Variants in SOX5 observed in about 807,000 individuals in gnomAD.
SOX5 encodes the protein SRY-box transcription factor 5, also known as transcription factor SOX-5.
SOX5 carries 9 observed loss-of-function variants against 92.0 expected under a neutral mutation model. That is an observed-to-expected ratio of 0.10 (90% CI 0.06 to 0.17). The LOEUF (loss-of-function observed/expected upper bound fraction) is 0.17, where lower values mean the gene tolerates loss of function less well. Ranked by LOEUF, SOX5 falls within the 10% of genes least tolerant of loss-of-function variation. The pLI, the probability that SOX5 is intolerant of heterozygous loss-of-function variation, is 1.00. For synonymous variants in SOX5, 344 were observed against 336.3 expected (o/e 1.02, Z -0.25); for missense variants, 642 against 944.5 (o/e 0.68, Z 4.20).
chr12:24,304,882 T>C (rs912577377), intron 2 of SOX5, among the ~76,000 whole-genome samples: 1 of 152,184 alleles, frequency 6.6e-6, no homozygotes, highest in African/African-American at 2.4e-5. Flanking sequence ...CACTGCTGAC[T>C]CTACCTCCTG....
At chr12:24,462,257 T>A (rs4562917) in intron 1 of SOX5, among the ~76,000 whole-genome samples, 3 of 152,314 alleles carry the variant, frequency 2.0e-5, no homozygotes, top group South Asian at 2.1e-4. Flanking sequence ...CAACACAATG[T>A]CAGGTGTGTA....
intron 11 of SOX5, among the ~76,000 whole-genome samples, chr12:23,549,582 G>T (rs979137062): frequency 6.6e-6 from 1 of 151,700 alleles, no homozygotes; most frequent in South Asian, 2.1e-4. Context: ...AGGAATACTC[G>T]CCAGAATTCT....
At chr12:23,937,149 G>A (rs957458813) in intron 1 of SOX5, among the ~76,000 whole-genome samples, 2 of 150,824 alleles carry the variant, frequency 1.3e-5, no homozygotes, top group Non-Finnish European at 3.0e-5. Context: ...TTTTCCTAAT[G>A]TTTAAAAAGA....
At chr12:23,913,057 A>G (rs2097369130) in intron 1 of SOX5, among the ~76,000 whole-genome samples, 1 of 152,232 alleles carries the variant, frequency 6.6e-6, no homozygotes, top group South Asian at 2.1e-4. Context: ...CGTCCATTCT[A>G]CTGATAGAAA....
intron 1 of SOX5, among the ~76,000 whole-genome samples, chr12:24,436,636 AAATATCCAG>A (rs1242814738): frequency 1.3e-5 from 2 of 152,144 alleles, no homozygotes; most frequent in Non-Finnish European, 2.9e-5. Context: ...AGCTGCAGCA[AAATATCCAG>A]AAGATCTAGC....
At chr12:24,314,649 G>GC (rs1949534347) in intron 2 of SOX5, among the ~76,000 whole-genome samples, 1 of 152,082 alleles carries the variant, frequency 6.6e-6, no homozygotes, top group Non-Finnish European at 1.5e-5. Context: ...TCCTTACAAT[G>GC]CCCTATGCGG....
In SOX5 at chr12:24,510,601, T is replaced by C. The variant is rs192889505; in HGVS notation, c.-251+51728A>G. Among the ~76,000 whole-genome samples, 6 of 152,268 alleles carry C rather than the reference T, an allele frequency of 3.9e-5. No homozygotes were observed. The East Asian group carries it at 1.2e-3, about 29-fold the overall frequency. On this transcript the variant is annotated intron_variant, in intron 1 of 4. Coordinates refer to the SOX5 transcript ENST00000446891. ...CCAGAAGATGAATAGTTAAAAGCTA[T>C]CAGAAACACATGGGCAAGCTTTTAA...
rs1190957230 is a variant in SOX5 at position 23,568,909 on chromosome 12, C to T, written c.1343-5506G>A. On this transcript the variant is annotated intron_variant, in intron 10 of 14. Transcript: ENST00000451604. Reference sequence around the variant, plus strand: ...AATATCTCAAAAAAAAAAAAAAATGCCGGGCATGGTGGCACATGCCTCTAA... The same window carrying T: ...AATATCTCAAAAAAAAAAAAAAATGTCGGGCATGGTGGCACATGCCTCTAA... 2.1e-5 allele frequency among the ~76,000 whole-genome samples: 3 copies of T among 145,238 alleles called. No individual in the cohort carries two copies. In the East Asian group the frequency reaches 6.1e-4, roughly 29 times the overall value.
chr12:23,986,414 T>C (rs189177130), intron 4 of SOX5, among the ~76,000 whole-genome samples: 1 of 152,264 alleles, frequency 6.6e-6, no homozygotes, highest in Non-Finnish European at 1.5e-5. Context: ...AAGGACTTAT[T>C]ATCACTTTAG....
chr12:23,658,879 C>T (rs1179833079), intron 7 of SOX5, among the ~76,000 whole-genome samples: 2 of 152,072 alleles, frequency 1.3e-5, no homozygotes, highest in African/African-American at 4.8e-5. Context: ...GGCAACAGAG[C>T]GAGACTCCGT....
At chr12:23,719,788 CAAAAA>C (rs33914230) in intron 6 of SOX5, among the ~76,000 whole-genome samples, 1 of 64,174 alleles carries the variant, frequency 1.6e-5, no homozygotes, top group East Asian at 5.6e-4. Flanking sequence ...AGCTATTTAC[CAAAAA>C]AAAAAAAAAA....
intron 9 of SOX5, among the ~76,000 whole-genome samples, chr12:23,586,848 T>C (rs913828751): frequency 1.6e-4 from 24 of 151,484 alleles, no homozygotes; most frequent in African/African-American, 5.3e-4. Context: ...TTTCCTTTTT[T>C]CTTCTCTCAT....
intron 4 of SOX5, among the ~76,000 whole-genome samples, chr12:24,067,466 G>A (rs565822904): frequency 1.4e-4 from 21 of 151,936 alleles, no homozygotes; most frequent in Admixed American, 1.2e-3. Context: ...ATCCTTTGTC[G>A]GTGGGTAGCA....
At chr12:23,838,801 C>A (rs2096469016) in intron 3 of SOX5, among the ~76,000 whole-genome samples, 2 of 133,798 alleles carry the variant, frequency 1.5e-5, no homozygotes, top group African/African-American at 2.9e-5. Flanking sequence ...GTTGTTCTTA[C>A]TAGATATTAC....
At chr12:24,107,499 T>C (rs1946824248) in intron 4 of SOX5, among the ~76,000 whole-genome samples, 1 of 152,220 alleles carries the variant, frequency 6.6e-6, no homozygotes, top group Non-Finnish European at 1.5e-5. Flanking sequence ...CACTTACACA[T>C]TACTTAATTT....
chr12:23,799,134 G>C (rs375730611), intron 3 of SOX5, among the ~76,000 whole-genome samples: 19 of 151,946 alleles, frequency 1.3e-4, no homozygotes, highest in Middle Eastern at 3.4e-3. Flanking sequence ...GGAGTATTTT[G>C]GTGATATCAG....
chr12:24,171,866 C>A (rs370762778), intron 4 of SOX5, among the ~76,000 whole-genome samples: 2 of 151,926 alleles, frequency 1.3e-5, no homozygotes, highest in African/African-American at 2.4e-5. Context: ...AGGACCCTGA[C>A]GCACTCTGAT....
At chr12:24,118,027 AAAAAAAAAAAAG>A (rs1171802775) in intron 4 of SOX5, among the ~76,000 whole-genome samples, 1 of 150,278 alleles carries the variant, frequency 6.7e-6, no homozygotes, top group African/African-American at 2.5e-5. Flanking sequence ...TCAAAAAAAA[AAAAAAAAAAAAG>A]AAAAAAAAAA....
At chr12:24,163,552 T>C (rs1262854388) in intron 4 of SOX5, among the ~76,000 whole-genome samples, 1 of 151,602 alleles carries the variant, frequency 6.6e-6, no homozygotes, top group Non-Finnish European at 1.5e-5. Flanking sequence ...CTACAATCTC[T>C]GCCTTATAGA....
Sources: allele counts gnomAD v4.1 joint callset (sites outside exome capture counted in the v4.1 genomes callset), GRCh38; gene constraint gnomAD v4.1.1; transcripts MANE v1.5; gene names NCBI Gene and HGNC (gene_info 2026-07-23, HGNC 2026-07-21).